The following CFAP65 variants were observed in gnomAD, a reference collection of about 807,000 sequenced individuals.
The protein encoded by CFAP65 is cilia and flagella associated protein 65.
CFAP65 carries 155 observed loss-of-function variants against 208.0 expected under a neutral mutation model. That is an observed-to-expected ratio of 0.75 (90% CI 0.65 to 0.85). The LOEUF (loss-of-function observed/expected upper bound fraction) is 0.85. CFAP65 is among the 40% of genes least tolerant of loss of function. The pLI, the probability that CFAP65 is intolerant of heterozygous loss-of-function variation, is 0.00. For missense variants in CFAP65, 2,294 were observed against 2,451.3 expected (o/e 0.94, Z 1.36); for synonymous variants, 970 against 986.3 (o/e 0.98, Z 0.31).
At chr2:219,013,164 G>A (rs1386025649) in intron 24 of CFAP65, 95 bp downstream of exon 24, 1 of 857,312 alleles carries the variant, frequency 1.2e-6, no homozygotes, top group East Asian at 2.6e-5. Context: ...GCTTCCAGAG[G>A]GCCATGTCTT....
rs1318596363 is a variant in CFAP65 at position 219,003,544 on chromosome 2, G to T, written c.5556-272C>A. Among the ~76,000 whole-genome samples the T allele has an allele frequency of 6.6e-6, 1 of 152,204 alleles. No homozygotes were observed. The highest frequency in any genetic ancestry group is 1.5e-5 in the Non-Finnish European group (1 of 68,042). ...CATCTCAGGGCCAAGTTTAGAGAAAGGTAGGGAAGTGATGAGAGGGCGCAG... is the reference window on the plus strand; with the variant it reads ...CATCTCAGGGCCAAGTTTAGAGAAATGTAGGGAAGTGATGAGAGGGCGCAG... On this transcript the variant is annotated intron_variant, in intron 33 of 34. Transcript: ENST00000341552. This position sits in a 1 kb window ranked among gnomAD's most constrained non-coding sequence, Gnocchi z 4.4.
chr2:219,029,592 C>G lies in CFAP65; in HGVS notation c.1461G>C (p.Leu487=), dbSNP rs1947876320. 6.2e-7 allele frequency: 1 copy of G among 1,614,016 alleles called. No individual in the cohort carries two copies. Among genetic ancestry groups the G allele is most frequent in the Admixed American group, 1.7e-5 (1 of 60,002 alleles). ...TGCAGTCCGATTGGTTCTCAATCCA[C>G]AGGGGCTGCTCGGAGCGCTCCCCAA... is the stretch of plus-strand genomic sequence containing the variant. ...VNLGERSEQP[L]WIENQSDCTA... is the part of the protein sequence containing the mutation. The change falls in exon 11 of 35, where the codon CTG becomes CTC. Residue 487 remains leucine (L), a synonymous_variant. Coordinates refer to ENST00000341552, the MANE Select transcript of CFAP65 (RefSeq NM_194302.4).
In CFAP65 at chr2:219,006,074, G is replaced by A. The variant is rs766570861; in HGVS notation, c.4869C>T (p.Thr1623=). 9 of 1,613,514 alleles carry A rather than the reference G, an allele frequency of 5.6e-6. No individual in the cohort carries two copies. Among genetic ancestry groups the A allele is most frequent in the Admixed American group, 5.0e-5 (3 of 60,030 alleles). ...CLGLTARAHA[T]DYFLANFFSE... is the part of the protein sequence containing the mutation. Reference sequence around the variant, plus strand: ...AGAAGAAGTTAGCCAGAAAGTAGTCGGTGGCATGGGCTCGGGCAGTAAGGC... The same window carrying A: ...AGAAGAAGTTAGCCAGAAAGTAGTCAGTGGCATGGGCTCGGGCAGTAAGGC... The change falls in exon 31 of 35, where the codon ACC becomes ACT. Residue 1623 remains threonine (T), a synonymous_variant. Coordinates refer to ENST00000341552, the MANE Select transcript of CFAP65 (RefSeq NM_194302.4).
chr2:219,014,107 C>A, intron 21 of CFAP65, 63 bp from the exon 22 acceptor site: 1 of 1,441,966 alleles, frequency 6.9e-7, no homozygotes, highest in South Asian at 1.4e-5. Context: ...GGCAGGGGCT[C>A]TGAGACCCTG....
At position 219,028,200 on chromosome 2, in the gene CFAP65, C is replaced by T. The variant is rs781576503; in HGVS notation, c.1851+1G>A. On this transcript the variant is annotated splice_donor_variant, in intron 12 of 34. Coordinates refer to ENST00000341552, the MANE Select transcript of CFAP65 (RefSeq NM_194302.4). LOFTEE classifies it high-confidence loss of function. ...ATATGCAGCTGGGGAGGGCACTGTA[C>T]CTGGATGGGAATCATGAGAGCCCCG... is the stretch of plus-strand genomic sequence containing the variant. 1 of 1,613,682 alleles carries T rather than the reference C, an allele frequency of 6.2e-7. No individual in the cohort carries two copies.
chr2:219,025,478 C>T (rs946875558), intron 14 of CFAP65, among the ~76,000 whole-genome samples: 18 of 152,182 alleles, frequency 1.2e-4, no homozygotes. Context: ...GGATTGGAAG[C>T]CGGCGGTCTG....
Position 219,027,878 on chromosome 2 carries a change from A to G in CFAP65, c.1983T>C (p.Gly661=). 6.4e-7 allele frequency: 1 copy of G among 1,560,358 alleles called. No individual in the cohort carries two copies. The stretch of plus-strand genomic sequence containing the variant: ...TGGGGGCCTCAGGCCCTGGGCAGGC[A>G]CCGAAGTCTACCTCGACAGGCTCTA... ...ISVEPVEVDF[G]ACPGPEAPNP... is the part of the protein sequence containing the mutation. The change falls in exon 13 of 35, where the codon GGT becomes GGC. Residue 661 remains glycine, a synonymous_variant. Transcript: ENST00000341552.
In CFAP65 at chr2:219,004,196, C is replaced by T. The variant is rs1402871460; in HGVS notation, c.5311G>A (p.Glu1771Lys). 1.2e-6 allele frequency: 2 copies of T among 1,614,030 alleles called. No individual in the cohort carries two copies. The highest frequency in any genetic ancestry group is 1.1e-5 in the South Asian group (1 of 91,082). Residue 1771 changes from glutamate (E) to lysine (K), a missense_variant, in exon 33 of 35, where the codon GAA (glutamate) becomes AAA (lysine). By Grantham distance (56) the Glu-to-Lys change is moderately conservative. This residue lies in a region of CFAP65 where 1,427 missense variants were observed against 1,438.7 expected (regional missense o/e 0.99). Transcript: ENST00000341552. This position sits in a 1 kb window ranked among gnomAD's most constrained non-coding sequence, Gnocchi z 4.7. ...TCTTCCTCCTCCAACTCTTCTTCTT[C>T]CTCTTCACCCTTCTCCTCCTCCCCC... is the stretch of plus-strand genomic sequence containing the variant. ...EEGEEEKGEE[E>K]EEELEEEEEE...
rs1574510262 is a variant in CFAP65 at position 219,005,553 on chromosome 2, T to G, written c.4932A>C (p.Pro1644=). 6.2e-7 allele frequency: 1 copy of G among 1,611,660 alleles called. No homozygotes were observed. The highest frequency in any genetic ancestry group is 8.5e-7 in the Non-Finnish European group (1 of 1,179,802). Residue 1644 remains proline, a synonymous_variant, in exon 32 of 35, where the codon CCA becomes CCC. Transcript: ENST00000341552. ...ACTCTTCCCTGGGGGCCTTCCTCTT[T>G]GGCAGCTCCCTGTGGCAGCCATGAC... is the stretch of plus-strand genomic sequence containing the variant. ...FPCHFLHREL[P]KRKAPREESE...
At chr2:219,036,126 G>A (rs971796495) in intron 4 of CFAP65, among the ~76,000 whole-genome samples, 9 of 152,142 alleles carry the variant, frequency 5.9e-5, no homozygotes, top group African/African-American at 2.2e-4. Context: ...ATTTCCCTCT[G>A]CACCATTCCC....
intron 24 of CFAP65, 114 bp downstream of exon 24, chr2:219,013,145 C>T: frequency 1.3e-6 from 1 of 754,590 alleles, no homozygotes; most frequent in Non-Finnish European, 2.3e-6. Context: ...GCTGGCCCAG[C>T]CCCTCAATGC....
chr2:219,012,527 A>AG (rs1333635597), intron 24 of CFAP65, among the ~76,000 whole-genome samples: 2 of 152,258 alleles, frequency 1.3e-5, no homozygotes, highest in African/African-American at 4.8e-5. Flanking sequence ...GAATGGCTGG[A>AG]GGCCCCTGCT....
intron 29 of CFAP65, among the ~76,000 whole-genome samples, chr2:219,008,064 C>G (rs1370857862): frequency 3.9e-5 from 6 of 151,986 alleles, no homozygotes; most frequent in Non-Finnish European, 5.9e-5. Context: ...AGTGATCTAC[C>G]CGCCTTGGCC....
intron 8 of CFAP65, 73 bp from the exon 9 acceptor site, chr2:219,030,907 A>G (rs1438078653): frequency 1.7e-5 from 26 of 1,548,336 alleles, no homozygotes; most frequent in Non-Finnish European, 1.9e-5. Context: ...AGCCCCTCGA[A>G]GAAGGCAGGT....
At position 219,028,079 on chromosome 2, in the gene CFAP65, C is replaced by A. The variant is rs1947766975; in HGVS notation, c.1852-70G>T. ...CTTGCTGTTGCCCCTCCTGGGTACA[C>A]TCCTGTCTAGAAAGGCTACACCAGT... On this transcript the variant is annotated intron_variant, in intron 12 of 34. Coordinates refer to ENST00000341552, the MANE Select transcript of CFAP65 (RefSeq NM_194302.4). The A allele has an allele frequency of 1.9e-6, 3 of 1,539,590 alleles. No individual in the cohort carries two copies. The South Asian group carries it at 3.8e-5, about 19-fold the overall frequency.
intron 16 of CFAP65, among the ~76,000 whole-genome samples, chr2:219,022,881 C>T (rs1485438067): frequency 2.0e-5 from 3 of 152,240 alleles, no homozygotes; most frequent in East Asian, 1.9e-4. Flanking sequence ...CTGCAACCCA[C>T]CCTCCCAATG....
Position 219,009,935 on chromosome 2 carries a change from C to G in CFAP65, c.4452+7G>C. 1 of 1,604,596 alleles carries G rather than the reference C, an allele frequency of 6.2e-7. No individual in the cohort carries two copies. Among genetic ancestry groups the G allele is most frequent in the South Asian group, 1.1e-5 (1 of 89,110 alleles). ...GATGGAGGTTCCAGGGCTCAGGGGA[C>G]TCTCACCTCCCCAAAATCTAGAGGA... On this transcript the variant is annotated splice_region_variant and intron_variant, in intron 27 of 34. Coordinates refer to ENST00000341552, the MANE Select transcript of CFAP65 (RefSeq NM_194302.4).
intron 3 of CFAP65, 30 bp from the exon 4 acceptor site, chr2:219,038,608 A>C (rs1368865604): frequency 6.3e-7 from 1 of 1,584,006 alleles, no homozygotes; most frequent in African/African-American, 1.3e-5. Context: ...GAGAGGAGAC[A>C]GGAGTGACAT....
intron 24 of CFAP65, 23 bp downstream of exon 24, chr2:219,013,236 A>T: frequency 6.5e-7 from 1 of 1,532,450 alleles, no homozygotes; most frequent in East Asian, 2.2e-5. Context: ...TTCTTGGTCA[A>T]CAGGACAATG....
Sources: gnomAD v4.1 joint callset for allele counts (sites outside exome capture counted in the v4.1 genomes callset) on GRCh38, gnomAD v4.1.1 for gene constraint, gnomAD v4.1.1 regional missense constraint, Gnocchi (gnomAD v3.1) non-coding constraint, MANE v1.5 for transcripts, NCBI Gene and HGNC (gene_info 2026-07-23, HGNC 2026-07-21) for gene names.